PIGR: variants seen among roughly 807,000 people sequenced by gnomAD.
PIGR encodes the protein hepatocellular carcinoma associated protein TB6.
A neutral mutation model predicts 69.5 loss-of-function variants in PIGR; 22 were observed. The observed-to-expected ratio is 0.32, with a 90% confidence interval of 0.23 to 0.45. PIGR has a LOEUF of 0.45. PIGR is among the 20% of genes least tolerant of loss of function. PIGR has a pLI of 1.00. For missense variants in PIGR, 885 were observed against 974.0 expected (o/e 0.91, Z 1.22); for synonymous variants, 413 against 407.6 (o/e 1.01, Z -0.16).
chr1:206,940,300 C>G (rs980176527), intron 2 of PIGR, among the ~76,000 whole-genome samples, 189 bp downstream of exon 2: 2 of 152,188 alleles, frequency 1.3e-5, no homozygotes, highest in Non-Finnish European at 2.9e-5. Flanking sequence ...ATTCCTGTCC[C>G]TGACTTCCAA....
intron 8 of PIGR, 26 bp from the exon 9 acceptor site, chr1:206,931,828 G>A (rs1054166300): frequency 3.1e-6 from 5 of 1,613,672 alleles, no homozygotes; most frequent in African/African-American, 2.7e-5. Flanking sequence ...AGGAGTTGGT[G>A]TAAGGACAGG....
At chr1:206,945,454 T>A (rs191677020) in intron 1 of PIGR, among the ~76,000 whole-genome samples, 1 of 152,272 alleles carries the variant, frequency 6.6e-6, no homozygotes, top group Admixed American at 6.5e-5. Flanking sequence ...GGGAAGCCCA[T>A]GTCTGAGATC....
Position 206,932,557 on chromosome 1 carries a change from C to A in PIGR, c.1907G>T (p.Ser636Ile). ...CAGGGTGGAGACCAGCGCTCTGGAG[C>A]TTCCACCTTGTTCCTCAGAGCTGGA... ...DSGSSEEQGG[S>I]SRALVSTLVP... The change falls in exon 8 of 11, where the codon AGC becomes ATC. Residue 636 changes from serine (S) to isoleucine (I), a missense_variant. Coordinates refer to ENST00000356495, the MANE Select transcript of PIGR (RefSeq NM_002644.4). The A allele has an allele frequency of 6.2e-7, 1 of 1,613,322 alleles. No homozygotes were observed. Among genetic ancestry groups the A allele is most frequent in the Non-Finnish European group, 8.5e-7 (1 of 1,179,684 alleles).
chr1:206,935,344 A>G lies in PIGR; in HGVS notation c.1378+142T>C, dbSNP rs1030220530. On this transcript the variant is annotated intron_variant, in intron 5 of 10. Coordinates refer to ENST00000356495, the MANE Select transcript of PIGR (RefSeq NM_002644.4). The surrounding 1 kb of genome is among the most constrained non-coding windows in gnomAD (Gnocchi z 4.4). ...TAAGGTGCGTGTTATAGGCATGAAA[A>G]TGTGACCTCTGGATAGGTGGGCTCC... is the stretch of plus-strand genomic sequence containing the variant. The G allele has an allele frequency of 1.5e-4, 100 of 677,608 alleles. No homozygotes were observed. Among genetic ancestry groups the G allele is most frequent in the Non-Finnish European group, 2.5e-4 (97 of 386,642 alleles). The allele number at this position is 677,608 out of a possible 1,614,324, so 42.0% of individuals were successfully genotyped here.
chr1:206,938,883 G>A (rs533632706), intron 3 of PIGR, among the ~76,000 whole-genome samples: 50 of 152,220 alleles, frequency 3.3e-4, no homozygotes, highest in South Asian at 8.3e-4. Context: ...GGGGTCTCCA[G>A]AAAGCCTAAA....
chr1:206,930,231 G>C lies in PIGR; in HGVS notation c.*87C>G. On this transcript the variant is annotated 3_prime_UTR_variant, in exon 11 of 11. Transcript: ENST00000356495. The surrounding 1 kb of genome is among the most constrained non-coding windows in gnomAD (Gnocchi z 4.3). ...ACCTAGGCAGGTGTTAGAGCAGGGAGTGGGGTCCCCAGGAGCTGAGGGCCC... is the reference window on the plus strand; with the variant it reads ...ACCTAGGCAGGTGTTAGAGCAGGGACTGGGGTCCCCAGGAGCTGAGGGCCC... The C allele has an allele frequency of 3.4e-6, 4 of 1,171,148 alleles. No homozygotes were observed. Among genetic ancestry groups the C allele is most frequent in the Non-Finnish European group, 4.8e-6 (4 of 831,688 alleles). 72.5% of individuals were successfully genotyped at this position (1,171,148 alleles called of 1,614,324 possible).
intron 1 of PIGR, among the ~76,000 whole-genome samples, chr1:206,941,355 G>A (rs1484485209): frequency 6.6e-6 from 1 of 152,120 alleles, no homozygotes. Context: ...CTCCACTACT[G>A]TATCGCACCC....
At chr1:206,931,292 C>G (rs1178763353) in intron 10 of PIGR, 1 of 1,451,250 alleles carries the variant, frequency 6.9e-7, no homozygotes, top group African/African-American at 1.4e-5. Context: ...CACCTCCTTC[C>G]TGGGCCTTAT....
chr1:206,933,259 C>A, intron 6 of PIGR, 93 bp from the exon 7 acceptor site: 3 of 1,325,192 alleles, frequency 2.3e-6, no homozygotes, highest in Admixed American at 4.3e-5. Context: ...CATGAGGAAT[C>A]ACAGGGTCAG....
rs971450022 is a variant in PIGR at position 206,929,398 on chromosome 1, T to G, written c.*920A>C. 4 of 151,894 alleles carry G rather than the reference T, an allele frequency of 2.6e-5. No individual in the cohort carries two copies. Among genetic ancestry groups the G allele is most frequent in the African/African-American group, 9.7e-5 (4 of 41,324 alleles). 9.4% of individuals were successfully genotyped at this position (151,894 alleles called of 1,614,324 possible). On this transcript the variant is annotated 3_prime_UTR_variant, in exon 11 of 11. Transcript: ENST00000356495. ...CTGTCTCTACTAAAAATACAAAAAATTAGCCAGGCGTGCTGGCAGGCGCCT... is the reference window on the plus strand; with the variant it reads ...CTGTCTCTACTAAAAATACAAAAAAGTAGCCAGGCGTGCTGGCAGGCGCCT...
At chr1:206,942,717 G>C (rs1680012652) in intron 1 of PIGR, among the ~76,000 whole-genome samples, 1 of 152,220 alleles carries the variant, frequency 6.6e-6, no homozygotes, top group Non-Finnish European at 1.5e-5. Context: ...CTCTGTCCCA[G>C]ACTTCTCATT....
intron 6 of PIGR, among the ~76,000 whole-genome samples, chr1:206,933,958 C>T (rs933022738): frequency 4.6e-5 from 7 of 152,066 alleles, no homozygotes; most frequent in Non-Finnish European, 8.8e-5. Flanking sequence ...CAACCCCTGC[C>T]TCTTGGGTTC....
chr1:206,930,616 A>G lies in PIGR; in HGVS notation c.2200-203T>C. 2.0e-6 allele frequency: 2 copies of G among 985,404 alleles called. No individual in the cohort carries two copies. Among genetic ancestry groups the G allele is most frequent in the South Asian group, 4.7e-5 (1 of 21,278 alleles). The allele number at this position is 985,404 out of a possible 1,614,324, so 61.0% of individuals were successfully genotyped here. On this transcript the variant is annotated intron_variant, in intron 10 of 10. Coordinates refer to ENST00000356495, the MANE Select transcript of PIGR (RefSeq NM_002644.4). The surrounding 1 kb of genome is among the most constrained non-coding windows in gnomAD (Gnocchi z 4.3). Reference sequence around the variant, plus strand: ...ATGGAAAGTTGCAGCCTCTAAAAATATCTTCTTCTGTCTCACTACCTCCTT... The same window carrying G: ...ATGGAAAGTTGCAGCCTCTAAAAATGTCTTCTTCTGTCTCACTACCTCCTT...
At position 206,935,678 on chromosome 1, in the gene PIGR, G is replaced by A; in HGVS notation, c.1186C>T (p.Pro396Ser). The A allele has an allele frequency of 2.5e-6, 4 of 1,613,944 alleles. No homozygotes were observed. Among genetic ancestry groups the A allele is most frequent in the Non-Finnish European group, 3.4e-6 (4 of 1,179,964 alleles). The change falls in exon 5 of 11, where the codon CCC becomes TCC. Residue 396 changes from proline to serine, a missense_variant. Coordinates refer to ENST00000356495, the MANE Select transcript of PIGR (RefSeq NM_002644.4). This position sits in a 1 kb window ranked among gnomAD's most constrained non-coding sequence, Gnocchi z 4.4. The part of the protein sequence containing the change: ...LWEGAQNGRC[P>S]LLVDSEGWVK... ...CACCCCTCGCTGTCCACCAGCAGGG[G>A]GCAGCGGCCATTCTGGGCCCCTTCC... is the stretch of plus-strand genomic sequence containing the variant.
At position 206,937,167 on chromosome 1, in the gene PIGR, A is replaced by G. The variant is rs1189619760; in HGVS notation, c.973T>C (p.Cys325Arg). 6.2e-7 allele frequency: 1 copy of G among 1,613,904 alleles called. No individual in the cohort carries two copies. The highest frequency in any genetic ancestry group is 8.5e-7 in the Non-Finnish European group (1 of 1,179,880). Residue 325 changes from cysteine (C) to arginine (R), a missense_variant, in exon 4 of 11, where the codon TGT (cysteine) becomes CGT (arginine). Cys to Arg is a radical substitution (Grantham distance 180). Coordinates refer to ENST00000356495, the MANE Select transcript of PIGR (RefSeq NM_002644.4). ...AGCTGACCATCCGAATGGGCTCCAC[A>G]CAGGTAGCGCCCTGCATCCTCCTTC... ...LRKEDAGRYL[C>R]GAHSDGQLQE...
chr1:206,942,611 C>T (rs945436818), intron 1 of PIGR, among the ~76,000 whole-genome samples: 4 of 152,196 alleles, frequency 2.6e-5, no homozygotes, highest in African/African-American at 9.7e-5. Context: ...AGTGGTCTTC[C>T]CACAAGCTGA....
At position 206,935,588 on chromosome 1, in the gene PIGR, C is replaced by G. The variant is rs374236452; in HGVS notation, c.1276G>C (p.Val426Leu). 5 of 1,614,110 alleles carry G rather than the reference C, an allele frequency of 3.1e-6. No individual in the cohort carries two copies. In the African/African-American group the frequency reaches 5.3e-5, roughly 17 times the overall value. ...CGGCTGGTGAGCTGGTTGAGGATGA[C>G]AGTGAAGGTGCCGTTGCCTGGCTCC... is the stretch of plus-strand genomic sequence containing the variant. ...LEEPGNGTFTVILNQLTSRDA... is the reference protein window; with the variant it reads ...LEEPGNGTFTLILNQLTSRDA... The change falls in exon 5 of 11, where the codon GTC (valine) becomes CTC (leucine). Residue 426 changes from valine (V) to leucine (L), a missense_variant. Physicochemically the swap from Val to Leu is conservative, Grantham distance 32. Coordinates refer to ENST00000356495, the MANE Select transcript of PIGR (RefSeq NM_002644.4). The surrounding 1 kb of genome is among the most constrained non-coding windows in gnomAD (Gnocchi z 4.4).
intron 2 of PIGR, 114 bp from the exon 3 acceptor site, chr1:206,939,577 T>A: frequency 1.6e-6 from 1 of 637,652 alleles, no homozygotes; most frequent in Non-Finnish European, 2.8e-6. Context: ...CCTGTGTTGA[T>A]AATTTATCAT....
At position 206,930,486 on chromosome 1, in the gene PIGR, C is replaced by T. The variant is rs1679716340; in HGVS notation, c.2200-73G>A. 2.0e-6 allele frequency: 3 copies of T among 1,516,310 alleles called. No homozygotes were observed. In the African/African-American group the frequency reaches 4.1e-5, roughly 21 times the overall value. 93.9% of individuals were successfully genotyped at this position (1,516,310 alleles called of 1,614,324 possible). On this transcript the variant is annotated intron_variant, in intron 10 of 10. Transcript: ENST00000356495. This position sits in a 1 kb window ranked among gnomAD's most constrained non-coding sequence, Gnocchi z 4.3. Reference sequence around the variant, plus strand: ...GGGTGGAGTCAGGGGAGGGGAGGTGCTTAATGTCCTGAATTCGTGATCTTG... The same window carrying T: ...GGGTGGAGTCAGGGGAGGGGAGGTGTTTAATGTCCTGAATTCGTGATCTTG...
Sources: allele counts gnomAD v4.1 joint callset (sites outside exome capture counted in the v4.1 genomes callset), GRCh38; gene constraint gnomAD v4.1.1; non-coding constraint Gnocchi (gnomAD v3.1); transcripts MANE v1.5; gene names NCBI Gene and HGNC (gene_info 2026-07-23, HGNC 2026-07-21).